The following SPATA6 variants were observed in gnomAD, a reference collection of about 807,000 sequenced individuals.
SPATA6 encodes spermatogenesis-associated protein 6.
Under a neutral mutation model 65.3 loss-of-function variants are expected in SPATA6, and 56 were observed. That is an observed-to-expected ratio of 0.86 (90% CI 0.69 to 1.07). SPATA6 has a LOEUF of 1.07. Among genes scored for constraint, SPATA6 ranks in the 50% least tolerant of loss-of-function variants. The pLI, the probability that SPATA6 is intolerant of heterozygous loss-of-function variation, is 0.00. For missense variants in SPATA6, 590 were observed against 594.8 expected, an observed-to-expected ratio of 0.99 and a Z score of 0.08; for synonymous variants, 199 against 213.2, an observed-to-expected ratio of 0.93 and a Z score of 0.58.
chr1:48,371,883 C>T (rs1025492159), intron 9 of SPATA6, among the ~76,000 whole-genome samples: 1 of 151,970 alleles, frequency 6.6e-6, no homozygotes, highest in African/African-American at 2.4e-5. Context: ...GCAGAAACCC[C>T]TGATAAACCC....
At chr1:48,335,097 A>G (rs1646023626) in intron 11 of SPATA6, among the ~76,000 whole-genome samples, 1 of 152,052 alleles carries the variant, frequency 6.6e-6, no homozygotes, top group Non-Finnish European at 1.5e-5. Context: ...ATATCTCTAG[A>G]ATGACAATTA....
At chr1:48,270,267 T>G in the SPATA6 span, among the ~76,000 whole-genome samples, 1 of 152,134 alleles carries the variant, frequency 6.6e-6, no homozygotes, top group Non-Finnish European at 1.5e-5. Flanking sequence ...CGCCAATTTC[T>G]TCCTTAGTTG....
In SPATA6 at chr1:48,471,975, C is replaced by T; in HGVS notation, c.34G>A (p.Ala12Thr). The stretch of plus-strand genomic sequence containing the variant: ...GTACTCACTGAGCTGATCTCCAGCG[C>T]CAGGGCGCACTGCAGCGCCTTCACC... Reference protein sequence around the residue: ...PKVKALQCALALEISSVTCPG... With the variant: ...PKVKALQCALTLEISSVTCPG... Residue 12 changes from alanine (A) to threonine (T), a missense_variant, in exon 1 of 13, where the codon GCG (alanine) becomes ACG (threonine). Ala to Thr is a moderately conservative substitution (Grantham distance 58). Transcript: ENST00000371847. 1 of 1,601,730 alleles carries T rather than the reference C, an allele frequency of 6.2e-7. No homozygotes were observed. Among genetic ancestry groups the T allele is most frequent in the South Asian group, 1.1e-5 (1 of 89,554 alleles).
intron 11 of SPATA6, among the ~76,000 whole-genome samples, chr1:48,318,555 T>TA (rs1645506612): frequency 6.6e-6 from 1 of 151,688 alleles, no homozygotes; most frequent in East Asian, 1.9e-4. Context: ...TACTTAGGAG[T>TA]AAACTTGATT....
chr1:48,381,920 C>G (rs1648675204), intron 9 of SPATA6, among the ~76,000 whole-genome samples: 1 of 123,448 alleles, frequency 8.1e-6, no homozygotes, highest in Non-Finnish European at 1.7e-5. Context: ...AACGAGCATG[C>G]TGCCTTCAAG....
chr1:48,436,578 C>T, intron 3 of SPATA6: 1 of 1,612,992 alleles, frequency 6.2e-7, no homozygotes, highest in South Asian at 1.1e-5. Flanking sequence ...CTGGCCTGTC[C>T]CATCTGCATA....
intron 11 of SPATA6, among the ~76,000 whole-genome samples, chr1:48,332,405 T>C (rs756366885): frequency 6.6e-6 from 1 of 151,778 alleles, no homozygotes; most frequent in Non-Finnish European, 1.5e-5. Context: ...ACCAAGCAAA[T>C]GGAAAACTGA....
intron 9 of SPATA6, among the ~76,000 whole-genome samples, chr1:48,373,922 T>C (rs1338210520): frequency 6.6e-6 from 1 of 152,170 alleles, no homozygotes; most frequent in Non-Finnish European, 1.5e-5. Flanking sequence ...CAAGTTGAAG[T>C]TTGGGTGGGG....
At chr1:48,471,813 G>T (rs1344045617) in intron 1 of SPATA6, 145 bp downstream of exon 1, 5 of 920,688 alleles carry the variant, frequency 5.4e-6, no homozygotes, top group Non-Finnish European at 8.5e-6. Context: ...ACAAGATGGG[G>T]CAGGACCGAA....
At chr1:48,320,407 G>A (rs913373644) in intron 11 of SPATA6, among the ~76,000 whole-genome samples, 1 of 152,076 alleles carries the variant, frequency 6.6e-6, no homozygotes, top group Admixed American at 6.6e-5. Flanking sequence ...CAAAACATCC[G>A]GCAGCAAGCT....
At chr1:48,381,593 A>G (rs953675539) in intron 9 of SPATA6, among the ~76,000 whole-genome samples, 2 of 151,476 alleles carry the variant, frequency 1.3e-5, no homozygotes, top group Admixed American at 1.3e-4. Flanking sequence ...TTAAGAAAAT[A>G]AATAGTTTAA....
chr1:48,446,983 T>A (rs1465227556), intron 3 of SPATA6, among the ~76,000 whole-genome samples: 1 of 152,190 alleles, frequency 6.6e-6, no homozygotes, highest in Non-Finnish European at 1.5e-5. Context: ...TTTCTCTTCC[T>A]CCTCAGCCTG....
chr1:48,381,645 TTTC>T (rs1273726045), intron 9 of SPATA6, among the ~76,000 whole-genome samples: 134 of 113,004 alleles, frequency 1.2e-3, no homozygotes, highest in African/African-American at 5.2e-3. Context: ...AGCTATGGTT[TTTC>T]TTTTTTTTTT....
intron 3 of SPATA6, among the ~76,000 whole-genome samples, chr1:48,441,674 G>A (rs746294112): frequency 2.0e-5 from 3 of 151,994 alleles, no homozygotes; most frequent in Non-Finnish European, 4.4e-5. Flanking sequence ...TAGCTCTTGG[G>A]GTCCTTACTC....
intron 11 of SPATA6, among the ~76,000 whole-genome samples, chr1:48,353,440 A>C (rs1646568805): frequency 6.6e-6 from 1 of 151,566 alleles, no homozygotes; most frequent in Non-Finnish European, 1.5e-5. Context: ...TCTTGAAAAA[A>C]AAAAAACTCA....
At chr1:48,340,066 A>G (rs2148758958) in intron 11 of SPATA6, among the ~76,000 whole-genome samples, 1 of 151,984 alleles carries the variant, frequency 6.6e-6, no homozygotes, top group East Asian at 1.9e-4. Context: ...CTAACAACAC[A>G]CTTCTCAACA....
intron 3 of SPATA6, among the ~76,000 whole-genome samples, chr1:48,434,417 T>C (rs1339613379): frequency 6.6e-6 from 1 of 152,166 alleles, no homozygotes; most frequent in Non-Finnish European, 1.5e-5. Context: ...TTCACACATT[T>C]TGTTTTGGCA....
At chr1:48,446,617 C>G (rs1390231939) in intron 3 of SPATA6, among the ~76,000 whole-genome samples, 1 of 152,010 alleles carries the variant, frequency 6.6e-6, no homozygotes, top group African/African-American at 2.4e-5. Flanking sequence ...TTCCACAGAA[C>G]AGGAAAGAAG....
intron 9 of SPATA6, among the ~76,000 whole-genome samples, chr1:48,364,371 C>G (rs146840138): frequency 2.6e-5 from 4 of 152,156 alleles, no homozygotes; most frequent in African/African-American, 9.7e-5. Flanking sequence ...CCTGAGGAAT[C>G]GCCACACTGA....
Sources: allele counts gnomAD v4.1 joint callset (sites outside exome capture counted in the v4.1 genomes callset), GRCh38; gene constraint gnomAD v4.1.1; transcripts MANE v1.5; gene names NCBI Gene and HGNC (gene_info 2026-07-23, HGNC 2026-07-21).